SKP2: variants seen among roughly 807,000 people sequenced by gnomAD.
SKP2 encodes S-phase kinase associated protein 2.
Under a neutral mutation model 51.8 loss-of-function variants are expected in SKP2, and 16 were observed. That is an observed-to-expected ratio of 0.31 (90% confidence interval 0.21 to 0.47). The LOEUF is 0.47. SKP2 is among the 20% of genes least tolerant of loss of function. The probability of loss-of-function intolerance (pLI) is 1.00; values close to 1 mark genes in which losing one functional copy is unlikely to be tolerated. For missense variants in SKP2, 377 were observed against 505.3 expected, an observed-to-expected ratio of 0.75 and a Z score of 2.43; for synonymous variants, 176 against 198.6, an observed-to-expected ratio of 0.89 and a Z score of 0.96.
In SKP2 at chr5:36,163,627, C is replaced by T. The variant is rs1745194249; in HGVS notation, c.281-18C>T. The T allele has an allele frequency of 6.6e-7, 1 of 1,511,096 alleles. No homozygotes were observed. Among genetic ancestry groups the T allele is most frequent in the South Asian group, 1.1e-5 (1 of 88,932 alleles). 93.6% of individuals were successfully genotyped at this position (1,511,096 alleles called of 1,614,324 possible). ...GGTGAAAGAATGGTGATGGCAAACA[C>T]TTGTTTTCCCTCCAAAGGTGTTTCA... On this transcript the variant is annotated intron_variant, in intron 2 of 9. Coordinates refer to ENST00000274255, the MANE Select transcript of SKP2 (RefSeq NM_005983.4).
At chr5:36,177,352 G>T in intron 9 of SKP2, 60 bp downstream of exon 9, 1 of 1,018,294 alleles carries the variant, frequency 9.8e-7, no homozygotes, top group African/African-American at 1.6e-5. Context: ...GATGCCCCTT[G>T]GTGTGAAAAT....
intron 2 of SKP2, among the ~76,000 whole-genome samples, chr5:36,155,929 A>G (rs1744932236): frequency 6.6e-6 from 1 of 152,206 alleles, no homozygotes; most frequent in Admixed American, 6.5e-5. Context: ...ACAATAAAAA[A>G]TAAGAGCTGT....
chr5:36,171,597 G>C lies in SKP2; in HGVS notation c.771-6G>C, dbSNP rs1221451730. The C allele has an allele frequency of 6.2e-7, 1 of 1,612,794 alleles. No individual in the cohort carries two copies. The highest frequency in any genetic ancestry group is 8.5e-7 in the Non-Finnish European group (1 of 1,179,256). Reference sequence around the variant, plus strand: ...ATATTTTGTTTATTACCCCTCTTTTGTGCAGACTGGATGAGCTGAACCTCT... The same window carrying C: ...ATATTTTGTTTATTACCCCTCTTTTCTGCAGACTGGATGAGCTGAACCTCT... On this transcript the variant is annotated splice_region_variant and splice_polypyrimidine_tract_variant and intron_variant, in intron 6 of 9. Coordinates refer to ENST00000274255, the MANE Select transcript of SKP2 (RefSeq NM_005983.4).
At chr5:36,172,663 T>C (rs1025314987) in intron 7 of SKP2, among the ~76,000 whole-genome samples, 1 of 152,188 alleles carries the variant, frequency 6.6e-6, no homozygotes, top group Non-Finnish European at 1.5e-5. Context: ...AGAATAGATC[T>C]TAAAATTTAA....
chr5:36,171,608 A>G lies in SKP2; in HGVS notation c.776A>G (p.Asp259Gly). 6.2e-7 allele frequency: 1 copy of G among 1,613,670 alleles called. No homozygotes were observed. Among genetic ancestry groups the G allele is most frequent in the South Asian group, 1.1e-5 (1 of 91,048 alleles). ...QTLLSSCSRL[D>G]ELNLSWCFDF... Reference sequence around the variant, plus strand: ...ATTACCCCTCTTTTGTGCAGACTGGATGAGCTGAACCTCTCCTGGTGTTTT... The same window carrying G: ...ATTACCCCTCTTTTGTGCAGACTGGGTGAGCTGAACCTCTCCTGGTGTTTT... The change falls in exon 7 of 10, where the codon GAT (aspartate) becomes GGT (glycine). Residue 259 changes from aspartate (D) to glycine (G), a missense_variant. Physicochemically the swap from Asp to Gly is moderately conservative, Grantham distance 94 (BLOSUM62 -1). Transcript: ENST00000274255.
rs1301299917 is a variant in SKP2 at position 36,161,109 on chromosome 5, T to C, written c.281-2536T>C. On this transcript the variant is annotated intron_variant, in intron 2 of 9. Coordinates refer to ENST00000274255, the MANE Select transcript of SKP2 (RefSeq NM_005983.4). ...TACTGTAGCCCATCAGGATAGGTTATTGAAGTTTCCTGTTTGTCTATATCT... is the reference window on the plus strand; with the variant it reads ...TACTGTAGCCCATCAGGATAGGTTACTGAAGTTTCCTGTTTGTCTATATCT... Among the ~76,000 whole-genome samples the C allele has an allele frequency of 2.0e-5, 3 of 152,078 alleles. No homozygotes were observed. In the East Asian group the frequency reaches 5.8e-4, roughly 29 times the overall value.
Position 36,152,728 on chromosome 5 carries a change from G to A in SKP2, c.9-43G>A, listed in dbSNP as rs759626104. On this transcript the variant is annotated intron_variant, in intron 1 of 9. Transcript: ENST00000274255. Reference sequence around the variant, plus strand: ...TTAATTGCCTTGAAATTATTTATGGGTGTGTTTTCGAAAGGAACCGGGGGT... The same window carrying A: ...TTAATTGCCTTGAAATTATTTATGGATGTGTTTTCGAAAGGAACCGGGGGT... The A allele has an allele frequency of 1.8e-5, 29 of 1,590,966 alleles. No homozygotes were observed. The Admixed American group carries it at 4.1e-4, about 23-fold the overall frequency.
chr5:36,162,317 T>C (rs904631964), intron 2 of SKP2, among the ~76,000 whole-genome samples: 1 of 152,164 alleles, frequency 6.6e-6, no homozygotes, highest in African/African-American at 2.4e-5. Context: ...GTTCCTTGGA[T>C]CTAGAACACG....
intron 6 of SKP2, among the ~76,000 whole-genome samples, chr5:36,192,298 C>G (rs1238594571): frequency 2.0e-5 from 3 of 152,160 alleles, no homozygotes; most frequent in African/African-American, 7.2e-5. Context: ...AGTACATTTA[C>G]TCTTATCTCC....
intron 6 of SKP2, among the ~76,000 whole-genome samples, chr5:36,189,764 T>C (rs963293284): frequency 2.6e-5 from 4 of 152,208 alleles, no homozygotes; most frequent in Non-Finnish European, 5.9e-5. Context: ...CAGGGACATT[T>C]AAGTCTGCAG....
At chr5:36,189,261 T>C (rs566582782), downstream of SKP2, among the ~76,000 whole-genome samples, 77 of 152,366 alleles carry the variant, frequency 5.1e-4, no homozygotes, top group Non-Finnish European at 9.0e-4. Context: ...TGTCCATTGC[T>C]GGCGAGGAGC....
At chr5:36,173,616 T>C (rs1745542066) in intron 7 of SKP2, among the ~76,000 whole-genome samples, 1 of 152,130 alleles carries the variant, frequency 6.6e-6, no homozygotes, top group South Asian at 2.1e-4. Context: ...TTGTCCAAAT[T>C]TGGCTTAAAA....
downstream of SKP2, among the ~76,000 whole-genome samples, chr5:36,188,887 C>A (rs1745980098): frequency 6.6e-6 from 1 of 152,172 alleles, no homozygotes; most frequent in African/African-American, 2.4e-5. Context: ...TAGATTTGGT[C>A]TTTTCACATA....
chr5:36,166,735 T>TTTTTTTC, intron 4 of SKP2, 73 bp downstream of exon 4: 1 of 1,402,762 alleles, frequency 7.1e-7, no homozygotes, highest in Non-Finnish European at 9.9e-7. Context: ...CTTTTTTTTT[T>TTTTTTTC]TTTTTCTTTC....
intron 5 of SKP2, among the ~76,000 whole-genome samples, 156 bp downstream of exon 5, chr5:36,168,603 T>C (rs140588957): frequency 1.4e-3 from 209 of 152,314 alleles, no homozygotes; most frequent in African/African-American, 4.7e-3. Context: ...TCAGGACTCA[T>C]TGAAGCAACA....
chr5:36,152,622 GT>G (rs1220122590), intron 1 of SKP2, 148 bp from the exon 2 acceptor site: 1 of 780,564 alleles, frequency 1.3e-6, no homozygotes, highest in East Asian at 2.6e-5. Context: ...CGTTTTCTTG[GT>G]AACTCGCCGC....
intron 9 of SKP2, among the ~76,000 whole-genome samples, chr5:36,179,846 A>G (rs1023660150): frequency 6.6e-6 from 1 of 151,258 alleles, no homozygotes; most frequent in Non-Finnish European, 1.5e-5. Flanking sequence ...AGTCTCTTCC[A>G]TTGTAGTTTT....
chr5:36,170,359 C>T lies in SKP2; in HGVS notation c.687C>T (p.Asn229=), dbSNP rs150526947. 1.5e-5 allele frequency: 24 copies of T among 1,611,444 alleles called. No individual in the cohort carries two copies. Among genetic ancestry groups the T allele is most frequent in the African/African-American group, 4.0e-5 (3 of 74,822 alleles). ...SDPIVNTLAK[N]SNLVRLNLSG... is the part of the protein sequence containing the mutation. Reference sequence around the variant, plus strand: ...CTTTTTCCAGTACTCTCGCAAAAAACTCAAATTTAGTGCGACTTAACCTTT... The same window carrying T: ...CTTTTTCCAGTACTCTCGCAAAAAATTCAAATTTAGTGCGACTTAACCTTT... Residue 229 remains asparagine (N), a synonymous_variant, in exon 6 of 10, where the codon AAC becomes AAT. Transcript: ENST00000274255.
intron 7 of SKP2, among the ~76,000 whole-genome samples, chr5:36,173,352 A>G (rs1361879742): frequency 6.6e-6 from 1 of 152,150 alleles, no homozygotes; most frequent in East Asian, 1.9e-4. Flanking sequence ...ATTAAGTACT[A>G]TTCTCAAGTT....
Sources: gnomAD v4.1 joint callset for allele counts (sites outside exome capture counted in the v4.1 genomes callset) on GRCh38, gnomAD v4.1.1 for gene constraint, MANE v1.5 for transcripts, NCBI Gene and HGNC (gene_info 2026-07-23, HGNC 2026-07-21) for gene names.